The following RIMS1 variants were observed in gnomAD, a reference collection of about 807,000 sequenced individuals.
RIMS1 encodes the protein regulating synaptic membrane exocytosis protein 1.
Under a neutral mutation model 214.1 loss-of-function variants are expected in RIMS1, and 83 were observed. The observed-to-expected ratio is 0.39, with a 90% confidence interval of 0.32 to 0.47. RIMS1 has a LOEUF of 0.47. Ranked by LOEUF, RIMS1 falls within the 20% of genes least tolerant of loss-of-function variation. The pLI, the probability that RIMS1 is intolerant of heterozygous loss-of-function variation, is 0.99. For missense variants in RIMS1, 2,050 were observed against 2,161.8 expected, an observed-to-expected ratio of 0.95 and a Z score of 1.03; for synonymous variants, 793 against 786.8, an observed-to-expected ratio of 1.01 and a Z score of -0.13.
intron 29 of RIMS1, among the ~76,000 whole-genome samples, chr6:72,342,720 C>T (rs1215308377): frequency 6.6e-6 from 1 of 151,316 alleles, no homozygotes; most frequent in Non-Finnish European, 1.5e-5. Context: ...GGATATAACA[C>T]CTCTAGATGG....
Position 72,183,005 on chromosome 6 carries a change from T to A in RIMS1, c.1534T>A (p.Ser512Thr). 5 of 1,588,964 alleles carry A rather than the reference T, an allele frequency of 3.1e-6. No individual in the cohort carries two copies. Among genetic ancestry groups the A allele is most frequent in the Non-Finnish European group, 4.3e-6 (5 of 1,169,936 alleles). Residue 512 changes from serine (S) to threonine (T), a missense_variant, in exon 6 of 34, where the codon TCC becomes ACC. Physicochemically the swap from Ser to Thr is moderately conservative, Grantham distance 58. Transcript: ENST00000521978. ...AGACCAGTCCGAGTCGGTGCGGCCG[T>A]CCCCGCCCAAGCCGCACCGGTCCAA... is the stretch of plus-strand genomic sequence containing the variant. ...SSDQSESVRP[S>T]PPKPHRSKRG...
At chr6:72,121,196 A>T (rs570250978) in intron 4 of RIMS1, among the ~76,000 whole-genome samples, 1 of 151,858 alleles carries the variant, frequency 6.6e-6, no homozygotes, top group African/African-American at 2.4e-5. Context: ...GAAGAAAATC[A>T]TTGGTAGCTT....
chr6:72,122,389 G>C (rs1176026119), intron 4 of RIMS1, among the ~76,000 whole-genome samples: 1 of 151,162 alleles, frequency 6.6e-6, no homozygotes, highest in Non-Finnish European at 1.5e-5. Flanking sequence ...TGTATTTTTA[G>C]TAGAGACGGG....
chr6:72,069,749 G>A (rs560035045), intron 2 of RIMS1, among the ~76,000 whole-genome samples: 14 of 152,186 alleles, frequency 9.2e-5, no homozygotes, highest in Admixed American at 2.0e-4. Flanking sequence ...TATGATTTTC[G>A]TTTTTTACTA....
chr6:71,899,787 G>A (rs753290256), intron 1 of RIMS1, among the ~76,000 whole-genome samples: 1 of 152,026 alleles, frequency 6.6e-6, no homozygotes, highest in Non-Finnish European at 1.5e-5. Context: ...GTGGACAGTT[G>A]GCCCAAGGCC....
chr6:72,349,174 C>G (rs2097363444), intron 29 of RIMS1, among the ~76,000 whole-genome samples: 2 of 151,824 alleles, frequency 1.3e-5, no homozygotes, highest in Non-Finnish European at 2.9e-5. Flanking sequence ...TGTGGTACAC[C>G]CAATGATTAG....
chr6:72,183,261 C>G, intron 6 of RIMS1, 112 bp downstream of exon 6: 2 of 1,012,488 alleles, frequency 2.0e-6, no homozygotes, highest in Non-Finnish European at 2.9e-6. Context: ...GGAATGCTCA[C>G]AGATAAGATA....
intron 19 of RIMS1, chr6:72,261,854 A>C (rs1330802098): frequency 1.0e-6 from 1 of 985,152 alleles, no homozygotes; most frequent in Non-Finnish European, 1.2e-6. Context: ...AATCGAGGAA[A>C]TATTAGTTCT....
At chr6:71,937,804 A>G (rs1784911774) in intron 1 of RIMS1, among the ~76,000 whole-genome samples, 1 of 152,196 alleles carries the variant, frequency 6.6e-6, no homozygotes, top group Non-Finnish European at 1.5e-5. Flanking sequence ...TGAAGAGGAC[A>G]GTTAAATCAT....
intron 6 of RIMS1, among the ~76,000 whole-genome samples, chr6:72,220,166 G>T (rs970366361): frequency 3.3e-5 from 5 of 151,988 alleles, no homozygotes; most frequent in African/African-American, 1.2e-4. Context: ...TACTGCTGAG[G>T]CTGAGGACCT....
intron 4 of RIMS1, among the ~76,000 whole-genome samples, chr6:72,111,507 A>C (rs936337091): frequency 1.3e-5 from 2 of 152,150 alleles, no homozygotes; most frequent in African/African-American, 4.8e-5. Flanking sequence ...AATTCTTGTA[A>C]TACTGTATAA....
At chr6:72,350,010 T>A (rs1165033138) in intron 29 of RIMS1, among the ~76,000 whole-genome samples, 2 of 151,940 alleles carry the variant, frequency 1.3e-5, no homozygotes, top group African/African-American at 2.4e-5. Context: ...GTAGGAAAAA[T>A]TTACCTTTGA....
intron 1 of RIMS1, among the ~76,000 whole-genome samples, chr6:71,894,625 C>T (rs1342538334): frequency 6.6e-6 from 1 of 152,164 alleles, no homozygotes; most frequent in African/African-American, 2.4e-5. Flanking sequence ...GAGCAGCCTG[C>T]AGTTTACCAA....
intron 1 of RIMS1, among the ~76,000 whole-genome samples, chr6:71,892,522 G>A (rs1002645865): frequency 6.6e-6 from 1 of 151,924 alleles, no homozygotes; most frequent in Non-Finnish European, 1.5e-5. Context: ...TCTGGCTTCC[G>A]CAGTTCTGGC....
intron 9 of RIMS1, among the ~76,000 whole-genome samples, chr6:72,241,517 G>A (rs1413362471): frequency 6.6e-6 from 1 of 151,994 alleles, no homozygotes; most frequent in Non-Finnish European, 1.5e-5. Context: ...TTGTTAGCCT[G>A]TATTTTTTTA....
intron 29 of RIMS1, among the ~76,000 whole-genome samples, chr6:72,358,439 G>A (rs1305727020): frequency 6.6e-6 from 1 of 151,956 alleles, no homozygotes; most frequent in Non-Finnish European, 1.5e-5. Flanking sequence ...CAAATATTTT[G>A]AAGTGGCTGC....
chr6:72,073,254 G>T (rs1830999733), intron 2 of RIMS1, among the ~76,000 whole-genome samples: 1 of 152,092 alleles, frequency 6.6e-6, no homozygotes, highest in African/African-American at 2.4e-5. Flanking sequence ...CTTAGCTCTT[G>T]TCACTCTAAA....
intron 1 of RIMS1, among the ~76,000 whole-genome samples, chr6:71,926,202 A>T (rs1424872812): frequency 6.6e-6 from 1 of 152,158 alleles, no homozygotes; most frequent in African/African-American, 2.4e-5. Flanking sequence ...AAGTGCTGGG[A>T]TTACAGGTTT....
In RIMS1 at chr6:72,250,992, A is replaced by G; in HGVS notation, c.2444A>G (p.Tyr815Cys). The change falls in exon 14 of 34, where the codon TAT (tyrosine) becomes TGT (cysteine). Residue 815 changes from tyrosine (Y) to cysteine (C), a missense_variant. By Grantham distance (194) the Tyr-to-Cys change is radical (BLOSUM62 -2). Coordinates refer to ENST00000521978, the MANE Select transcript of RIMS1 (RefSeq NM_014989.7). Reference protein sequence around the residue: ...LEPKWNQTFVYSHVHRRDFRE... With the variant: ...LEPKWNQTFVCSHVHRRDFRE... ...CCAAAATGGAATCAAACTTTTGTCT[A>G]TTCACATGTACATCGTAGAGATTTT... is the stretch of plus-strand genomic sequence containing the variant. The G allele has an allele frequency of 1.3e-6, 2 of 1,559,760 alleles. No individual in the cohort carries two copies. Among genetic ancestry groups the G allele is most frequent in the Non-Finnish European group, 1.7e-6 (2 of 1,151,116 alleles).
Sources: allele counts gnomAD v4.1 joint callset (sites outside exome capture counted in the v4.1 genomes callset), GRCh38; gene constraint gnomAD v4.1.1; transcripts MANE v1.5; gene names NCBI Gene and HGNC (gene_info 2026-07-23, HGNC 2026-07-21).